Variants in TRMT6 observed in about 807,000 individuals in gnomAD.
TRMT6 encodes tRNA methyltransferase 6 non-catalytic subunit.
In TRMT6, 34 loss-of-function variants were observed where a neutral mutation model predicts 59.0. The observed-to-expected ratio is 0.58, with a 90% CI of 0.44 to 0.77. The LOEUF (loss-of-function observed/expected upper bound fraction) is 0.77. TRMT6 is among the 30% of genes least tolerant of loss of function. The pLI is 0.00. For synonymous variants in TRMT6, 217 were observed against 210.5 expected (o/e 1.03, Z -0.27); for missense variants, 575 against 604.5 (o/e 0.95, Z 0.51).
intron 1 of TRMT6, among the ~76,000 whole-genome samples, chr20:5,948,218 C>T (rs540194756): frequency 1.4e-4 from 21 of 152,258 alleles, no homozygotes; most frequent in Middle Eastern, 3.4e-3. Flanking sequence ...GGGGATGATG[C>T]GTGTCACTTA....
chr20:5,938,844 CA>C, intron 10 of TRMT6, 118 bp from the exon 11 acceptor site: 1 of 901,906 alleles, frequency 1.1e-6, no homozygotes, highest in Non-Finnish European at 1.6e-6. Flanking sequence ...TTTAAATGGA[CA>C]TTTTTTTTTC....
chr20:5,949,897 C>T (rs1357162278), intron 1 of TRMT6, among the ~76,000 whole-genome samples: 4 of 150,686 alleles, frequency 2.7e-5, no homozygotes, highest in African/African-American at 9.9e-5. Context: ...ATCCCAAGGT[C>T]CTAGGGAAAG....
intron 1 of TRMT6, among the ~76,000 whole-genome samples, chr20:5,949,859 A>G (rs1252254181): frequency 1.3e-5 from 2 of 152,128 alleles, no homozygotes; most frequent in Non-Finnish European, 2.9e-5. Flanking sequence ...TGAAGAAAGG[A>G]GGGGGTGTCT....
At chr20:5,939,113 CA>C (rs1464324997) in intron 10 of TRMT6, among the ~76,000 whole-genome samples, 71 of 152,136 alleles carry the variant, frequency 4.7e-4, no homozygotes, top group African/African-American at 1.5e-3. Context: ...TTAAATGGAC[CA>C]ACTTCTAAGG....
intron 1 of TRMT6, 71 bp downstream of exon 1, chr20:5,950,207 G>T: frequency 6.9e-7 from 1 of 1,459,592 alleles, no homozygotes; most frequent in Non-Finnish European, 9.2e-7. Context: ...GAATTCTGTG[G>T]AGAAACCTGG....
intron 2 of TRMT6, among the ~76,000 whole-genome samples, chr20:5,945,688 C>G (rs2088699839): frequency 6.6e-6 from 1 of 152,160 alleles, no homozygotes; most frequent in East Asian, 1.9e-4. Flanking sequence ...ATCTAAATAA[C>G]AGGTTTGACT....
chr20:5,938,385 C>G lies in TRMT6; in HGVS notation c.*150G>C. The stretch of plus-strand genomic sequence containing the variant: ...CAAATGCATCTGTGTCAGAAATAGA[C>G]AAAAGGCATATACTCCTCCTTCCTA... On this transcript the variant is annotated 3_prime_UTR_variant, in exon 11 of 11. Transcript: ENST00000203001. 1.2e-6 allele frequency: 1 copy of G among 812,212 alleles called. No homozygotes were observed. 50.3% of individuals were successfully genotyped at this position (812,212 alleles called of 1,614,324 possible).
intron 8 of TRMT6, chr20:5,941,677 T>C (rs2088657507): frequency 7.4e-6 from 4 of 541,238 alleles, no homozygotes; most frequent in Non-Finnish European, 9.8e-6. Flanking sequence ...TCGCAGCATT[T>C]GAGTGCCCCA....
At chr20:5,944,703 T>C in intron 3 of TRMT6, 102 bp downstream of exon 3, 2 of 753,926 alleles carry the variant, frequency 2.7e-6, no homozygotes, top group Non-Finnish European at 4.4e-6. Context: ...AGCTATAACG[T>C]TATTTTTTTG....
intron 5 of TRMT6, 124 bp downstream of exon 5, chr20:5,943,824 T>TA: frequency 6.6e-7 from 1 of 1,516,834 alleles, no homozygotes; most frequent in Non-Finnish European, 8.8e-7. Context: ...TAAAAGGACT[T>TA]ACAATTTATG....
intron 1 of TRMT6, among the ~76,000 whole-genome samples, chr20:5,949,860 G>A (rs767370661): frequency 1.3e-5 from 2 of 152,300 alleles, no homozygotes; most frequent in Middle Eastern, 3.4e-3. Context: ...GAAGAAAGGA[G>A]GGGGTGTCTC....
rs1269213771 is a variant in TRMT6, at chr20:5,938,351, T to C, written c.*184A>G. On this transcript the variant is annotated 3_prime_UTR_variant, in exon 11 of 11. Transcript: ENST00000203001. Reference sequence around the variant, plus strand: ...TACTACATACCCCATGGTTGCAGTTTTGACAGACCAAATGCATCTGTGTCA... The same window carrying C: ...TACTACATACCCCATGGTTGCAGTTCTGACAGACCAAATGCATCTGTGTCA... 1.6e-6 allele frequency: 1 copy of C among 608,892 alleles called. No homozygotes were observed. The highest frequency in any genetic ancestry group is 1.8e-5 in the African/African-American group (1 of 54,846). The allele number at this position is 608,892 out of a possible 1,614,324, so 37.7% of individuals were successfully genotyped here. A position where few individuals can be genotyped will look rare whatever the true frequency, so the allele number is the denominator to read the frequency against.
Position 5,942,029 on chromosome 20 carries a change from T to C in TRMT6, c.1034A>G (p.Glu345Gly), listed in dbSNP as rs1338346437. The stretch of plus-strand genomic sequence containing the variant: ...CTGCTCTTCTTGTCTCCTCTGTTTT[T>C]CCTGAATCTTCAAAAAGAAAAATAA... ...ERGSKKDYIQ[E>G]KQRRQEEQRK... Residue 345 changes from glutamate (E) to glycine (G), a missense_variant, in exon 8 of 11, where the codon GAA becomes GGA. Coordinates refer to ENST00000203001, the MANE Select transcript of TRMT6 (RefSeq NM_015939.5). 1.2e-6 allele frequency: 2 copies of C among 1,612,158 alleles called. No homozygotes were observed. Among genetic ancestry groups the C allele is most frequent in the African/African-American group, 2.7e-5 (2 of 74,934 alleles).
At position 5,941,999 on chromosome 20, in the gene TRMT6, T is replaced by C. The variant is rs758035555; in HGVS notation, c.1064A>G (p.Lys355Arg). 1.4e-5 allele frequency: 23 copies of C among 1,613,274 alleles called. No individual in the cohort carries two copies. The highest frequency in any genetic ancestry group is 1.9e-5 in the Non-Finnish European group (23 of 1,180,034). The change falls in exon 8 of 11, where the codon AAA (lysine) becomes AGA (arginine). Residue 355 changes from lysine to arginine, a missense_variant. Lys to Arg is a conservative substitution (Grantham distance 26). Coordinates refer to ENST00000203001, the MANE Select transcript of TRMT6 (RefSeq NM_015939.5). Reference protein sequence around the residue: ...EKQRRQEEQRKRHLEAAALLS... With the variant: ...EKQRRQEEQRRRHLEAAALLS... ...CAGAGCGGCAGCCTCTAAATGTCTT[T>C]TCCTCTGCTCTTCTTGTCTCCTCTG...
intron 5 of TRMT6, 81 bp from the exon 6 acceptor site, chr20:5,943,764 C>A (rs2088680376): frequency 1.2e-5 from 18 of 1,555,704 alleles, no homozygotes; most frequent in African/African-American, 2.8e-5. Context: ...GTTTTGTTTG[C>A]TTTATTAAAA....
At chr20:5,947,002 T>G (rs546901266) in intron 1 of TRMT6, among the ~76,000 whole-genome samples, 14 of 152,328 alleles carry the variant, frequency 9.2e-5, no homozygotes, top group African/African-American at 3.1e-4. Context: ...CACAATGCTT[T>G]CTTCTCAAAA....
Position 5,943,637 on chromosome 20 carries a change from T to C in TRMT6, c.589A>G (p.Ile197Val), listed in dbSNP as rs2088678932. 1.9e-6 allele frequency: 3 copies of C among 1,614,132 alleles called. No homozygotes were observed. Among genetic ancestry groups the C allele is most frequent in the Non-Finnish European group, 2.5e-6 (3 of 1,180,050 alleles). Residue 197 changes from isoleucine to valine, a missense_variant, in exon 6 of 11, where the codon ATC becomes GTC. By Grantham distance (29) the Ile-to-Val change is conservative. Coordinates refer to ENST00000203001, the MANE Select transcript of TRMT6 (RefSeq NM_015939.5). ...TLAQMLTLGN[I>V]RAGNKMIVME... Reference sequence around the variant, plus strand: ...ACAATCATTTTGTTGCCAGCACGGATATTTCCCAACGTCAACATCTGGGCT... The same window carrying C: ...ACAATCATTTTGTTGCCAGCACGGACATTTCCCAACGTCAACATCTGGGCT...
At position 5,944,845 on chromosome 20, in the gene TRMT6, T is replaced by C; in HGVS notation, c.326A>G (p.Asp109Gly). ...CTTGTCCTTCAAAGCTTTTATGTCA[T>C]CTTGAGTAAGTTTCTGAGATTTCCC... ...DDGKSQKLTQ[D>G]DIKALKDKGI... Residue 109 changes from aspartate to glycine, a missense_variant, in exon 3 of 11, where the codon GAT becomes GGT. By Grantham distance (94) the Asp-to-Gly change is moderately conservative. Transcript: ENST00000203001. The C allele has an allele frequency of 1.2e-6, 2 of 1,614,084 alleles. No individual in the cohort carries two copies. The highest frequency in any genetic ancestry group is 1.7e-6 in the Non-Finnish European group (2 of 1,179,926).
intron 2 of TRMT6, among the ~76,000 whole-genome samples, chr20:5,946,124 G>T (rs1448304582): frequency 6.6e-6 from 1 of 152,202 alleles, no homozygotes; most frequent in Non-Finnish European, 1.5e-5. Flanking sequence ...GGCACTGAAA[G>T]AACTTTACAT....
Sources: gnomAD v4.1 joint callset for allele counts (sites outside exome capture counted in the v4.1 genomes callset) on GRCh38, gnomAD v4.1.1 for gene constraint, MANE v1.5 for transcripts, NCBI Gene and HGNC (gene_info 2026-07-23, HGNC 2026-07-21) for gene names.